The following LNX1 variants were observed in gnomAD, a reference collection of about 807,000 sequenced individuals.
The protein encoded by LNX1 is E3 ubiquitin-protein ligase LNX.
In LNX1, 54 loss-of-function variants were observed where a neutral mutation model predicts 68.4. The observed-to-expected ratio is 0.79, with a 90% CI of 0.63 to 0.99. The LOEUF (loss-of-function observed/expected upper bound fraction) is 0.99, where lower values mean the gene tolerates loss of function less well. LNX1 is among the 50% of genes least tolerant of loss of function. The pLI is 0.00. For missense variants in LNX1, 906 were observed against 926.4 expected (o/e 0.98, Z 0.29); for synonymous variants, 336 against 350.0 (o/e 0.96, Z 0.45).
chr4:53,580,367 A>G (rs1417739486), intron 1 of LNX1, among the ~76,000 whole-genome samples: 2 of 152,202 alleles, frequency 1.3e-5, no homozygotes, highest in Non-Finnish European at 2.9e-5. Flanking sequence ...TCTCTTCTGC[A>G]AGCTCCCCAA....
upstream of LNX1, among the ~76,000 whole-genome samples, chr4:53,622,076 T>A (rs1400481552): frequency 3.3e-5 from 5 of 152,054 alleles, no homozygotes; most frequent in Admixed American, 3.3e-4. Flanking sequence ...TTTCTTGACA[T>A]TTTTTATAGG....
chr4:53,638,230 GA>G (rs1734553828), intron 1 of LNX1, among the ~76,000 whole-genome samples: 3 of 152,192 alleles, frequency 2.0e-5, no homozygotes, highest in African/African-American at 7.2e-5. Context: ...TTGCAGTCAT[GA>G]GAGATGAATG....
chr4:53,550,002 C>T (rs1729391895), intron 2 of LNX1, among the ~76,000 whole-genome samples: 1 of 152,108 alleles, frequency 6.6e-6, no homozygotes, highest in Non-Finnish European at 1.5e-5. Context: ...CACTTTGGAC[C>T]AGGGAGTGAA....
chr4:53,594,672 C>G (rs1002172017), upstream of LNX1, among the ~76,000 whole-genome samples: 2 of 152,022 alleles, frequency 1.3e-5, no homozygotes, highest in Non-Finnish European at 2.9e-5. Context: ...CAAGATCAAA[C>G]CCTTTTCTTT....
chr4:53,592,645 C>T (rs1299519498), upstream of LNX1, among the ~76,000 whole-genome samples: 1 of 152,160 alleles, frequency 6.6e-6, no homozygotes, highest in African/African-American at 2.4e-5. Flanking sequence ...CCTACTTTTG[C>T]CTCCCTCGTC....
chr4:53,624,917 G>T (rs2616419), intron 1 of LNX1, among the ~76,000 whole-genome samples: 54,248 of 152,040 alleles, frequency 0.36, 9,827 homozygotes, highest in Admixed American at 0.4. Flanking sequence ...CATTTTAAAA[G>T]AATTCATTAG....
intron 1 of LNX1, among the ~76,000 whole-genome samples, chr4:53,639,529 C>T (rs919455298): frequency 4.0e-4 from 61 of 152,132 alleles, no homozygotes; most frequent in African/African-American, 1.3e-3. Flanking sequence ...GAAACAGAAA[C>T]GTACATTAAA....
chr4:53,515,387 A>C lies in LNX1; in HGVS notation c.381-7160T>G, dbSNP rs186424876. ...TACAGCATTGGGAATTGTGGGATTC[A>C]CTCACACCACCCTGATAATGCATAA... On this transcript the variant is annotated intron_variant, in intron 2 of 10. Transcript: ENST00000263925. Among the ~76,000 whole-genome samples, 458 of 152,246 alleles carry C rather than the reference A, an allele frequency of 3.0e-3. 1 individual carries two copies. The highest frequency in any genetic ancestry group is 9.2e-3 in the African/African-American group (383 of 41,528).
At chr4:53,564,817 C>A (rs964399764) in intron 2 of LNX1, among the ~76,000 whole-genome samples, 1 of 152,206 alleles carries the variant, frequency 6.6e-6, no homozygotes, top group African/African-American at 2.4e-5. Context: ...CAGGGCGAGG[C>A]ATTGCCTCAC....
intron 2 of LNX1, among the ~76,000 whole-genome samples, chr4:53,573,285 T>C (rs1228913077): frequency 1.3e-5 from 2 of 152,190 alleles, no homozygotes; most frequent in African/African-American, 4.8e-5. Context: ...GTTTCCATTA[T>C]GGAAGATGAA....
intron 4 of LNX1, among the ~76,000 whole-genome samples, chr4:53,505,986 G>A (rs1448827199): frequency 6.6e-6 from 1 of 152,198 alleles, no homozygotes; most frequent in Non-Finnish European, 1.5e-5. Flanking sequence ...GCATGTACGT[G>A]CAGGGTGAGA....
chr4:53,578,050 G>C (rs1014195886), intron 1 of LNX1, among the ~76,000 whole-genome samples: 1 of 152,092 alleles, frequency 6.6e-6, no homozygotes, highest in Non-Finnish European at 1.5e-5. Flanking sequence ...TAAATAACTT[G>C]TCAATCACAC....
intron 1 of LNX1, chr4:53,576,527 T>C (rs1327344028): frequency 3.8e-6 from 4 of 1,042,264 alleles, no homozygotes; most frequent in Admixed American, 7.5e-5. Context: ...GTAGATCTTG[T>C]ATTTTAGGTT....
At chr4:53,598,398 A>G (rs1732851701) in intron 2 of LNX1, among the ~76,000 whole-genome samples, 1 of 151,706 alleles carries the variant, frequency 6.6e-6, no homozygotes, top group African/African-American at 2.4e-5. Flanking sequence ...ATGCCCAGCA[A>G]ATTTTTGTAT....
At chr4:53,481,685 T>C (rs1707823641) in intron 7 of LNX1, 35 bp downstream of exon 7, 2 of 1,600,150 alleles carry the variant, frequency 1.2e-6, no homozygotes, top group Admixed American at 3.4e-5. Context: ...AAATAGCCCC[T>C]TGCAGGAGCA....
chr4:53,594,163 A>G (rs539678783), upstream of LNX1: 2 of 150,406 alleles, frequency 1.3e-5, no homozygotes, highest in South Asian at 4.2e-4. Flanking sequence ...ATATGTATAT[A>G]TAAATATGTA....
At chr4:53,629,661 G>C (rs1455489217) in intron 1 of LNX1, among the ~76,000 whole-genome samples, 1 of 152,148 alleles carries the variant, frequency 6.6e-6, no homozygotes, top group African/African-American at 2.4e-5. Flanking sequence ...GCTCAGACCT[G>C]GAGGATGGGA....
intron 1 of LNX1, among the ~76,000 whole-genome samples, chr4:53,638,917 A>G (rs959027739): frequency 6.6e-6 from 1 of 152,240 alleles, no homozygotes; most frequent in Non-Finnish European, 1.5e-5. Flanking sequence ...CACTGTGGAA[A>G]GCAGTTTGGA....
At chr4:53,636,052 A>G (rs1734460189) in intron 1 of LNX1, among the ~76,000 whole-genome samples, 1 of 152,124 alleles carries the variant, frequency 6.6e-6, no homozygotes, top group African/African-American at 2.4e-5. Flanking sequence ...TTGCAGTGCT[A>G]CATTTACATG....
Sources: gnomAD v4.1 joint callset for allele counts (sites outside exome capture counted in the v4.1 genomes callset) on GRCh38, gnomAD v4.1.1 for gene constraint, MANE v1.5 for transcripts, NCBI Gene and HGNC (gene_info 2026-07-23, HGNC 2026-07-21) for gene names.